Variants in STXBP3 observed in about 807,000 individuals in gnomAD.
STXBP3 encodes the protein syntaxin-binding protein 3.
STXBP3 carries 41 observed loss-of-function variants against 85.7 expected under a neutral mutation model. That is an observed-to-expected ratio of 0.48 (90% CI 0.37 to 0.62). The LOEUF is 0.62. Among genes scored for constraint, STXBP3 ranks in the 20% least tolerant of loss-of-function variants. The pLI is 0.00. For missense variants in STXBP3, 563 were observed against 703.1 expected (o/e 0.80, Z 2.25); for synonymous variants, 229 against 231.7 (o/e 0.99, Z 0.10).
intron 9 of STXBP3, chr1:108,781,236 G>T (rs1271004893): frequency 6.6e-6 from 1 of 152,180 alleles, no homozygotes; most frequent in Non-Finnish European, 1.5e-5. Context: ...ATCCACACAG[G>T]TGGATGGTTT....
rs1663110908 is a variant in STXBP3 at position 108,796,688 on chromosome 1, C to T, written c.1318C>T (p.Arg440Cys). 8.7e-6 allele frequency: 14 copies of T among 1,613,482 alleles called. No homozygotes were observed. Among genetic ancestry groups the T allele is most frequent in the Non-Finnish European group, 1.2e-5 (14 of 1,179,794 alleles). ...VKIENESDMI[R>C]NWSYLGVPIV... ...GATAGAAAATGAGAGTGACATGATT[C>T]GTAACTGGAGTTACCTTGGTGTTCC... The change falls in exon 15 of 19, where the codon CGT (arginine) becomes TGT (cysteine). Residue 440 changes from arginine (R) to cysteine (C), a missense_variant. Physicochemically the swap from Arg to Cys is radical, Grantham distance 180. This residue lies in a region of STXBP3 where 494 missense variants were observed against 592.8 expected (regional missense o/e 0.83). Coordinates refer to ENST00000370008, the MANE Select transcript of STXBP3 (RefSeq NM_007269.4).
rs1320597846 is a variant in STXBP3 at position 108,809,472 on chromosome 1, A to G, written c.*595A>G. On this transcript the variant is annotated 3_prime_UTR_variant, in exon 19 of 19. Transcript: ENST00000370008. The stretch of plus-strand genomic sequence containing the variant: ...TGAAATCATGTATGTTTAAATTAGA[A>G]AACCAAAAATCATGAACATTCTAAG... 6.6e-6 allele frequency: 1 copy of G among 152,542 alleles called. No homozygotes were observed. The highest frequency in any genetic ancestry group is 1.9e-4 in the East Asian group (1 of 5,196). 9.4% of individuals were successfully genotyped at this position (152,542 alleles called of 1,614,324 possible).
At chr1:108,804,096 C>G (rs902912846) in intron 17 of STXBP3, among the ~76,000 whole-genome samples, 2 of 152,130 alleles carry the variant, frequency 1.3e-5, no homozygotes, top group African/African-American at 4.8e-5. Context: ...TTTCCTGAAT[C>G]TGAGGATTTA....
chr1:108,746,750 G>C lies in STXBP3; in HGVS notation c.13G>C (p.Val5Leu), dbSNP rs573905738. Residue 5 changes from valine (V) to leucine (L), a missense_variant, in exon 1 of 19, where the codon GTG becomes CTG. Around this residue, in one of 3 missense-constraint regions of STXBP3, gnomAD observed 37 missense variants for 39.7 expected, o/e 0.93. Coordinates refer to ENST00000370008, the MANE Select transcript of STXBP3 (RefSeq NM_007269.4). ...CAGTGTCGGGAAGATGGCGCCGCCG[G>C]TGGCAGAGAGGGGGCTAAAGAGCGT... MAPP[V>L]AERGLKSVVW... 670 of 1,550,270 alleles carry C rather than the reference G, an allele frequency of 4.3e-4. 6 individuals carry two copies. In the South Asian group the frequency reaches 7.4e-3, roughly 17 times the overall value.
At chr1:108,803,511 CAG>C (rs1284116063) in intron 17 of STXBP3, among the ~76,000 whole-genome samples, 3 of 151,946 alleles carry the variant, frequency 2.0e-5, no homozygotes, top group Admixed American at 6.6e-5. Flanking sequence ...TTTTCCAAGA[CAG>C]AGTCTTGCTC....
intron 6 of STXBP3, among the ~76,000 whole-genome samples, chr1:108,770,052 G>A (rs1662351015): frequency 6.6e-6 from 1 of 152,138 alleles, no homozygotes; most frequent in Non-Finnish European, 1.5e-5. Context: ...GACTTTAGGA[G>A]GCCAAGGCGG....
chr1:108,748,304 C>A (rs1319193524), intron 1 of STXBP3, among the ~76,000 whole-genome samples: 2 of 152,130 alleles, frequency 1.3e-5, no homozygotes, highest in African/African-American at 4.8e-5. Flanking sequence ...GAGGCCGGGG[C>A]AAGATGATCA....
At chr1:108,758,980 AC>A (rs1273084798) in intron 5 of STXBP3, 1 of 152,498 alleles carries the variant, frequency 6.6e-6, no homozygotes, top group East Asian at 1.9e-4. Context: ...AAAAACAAAG[AC>A]CTTTTGAGAG....
chr1:108,779,580 A>G, intron 9 of STXBP3, 170 bp downstream of exon 9: 1 of 676,324 alleles, frequency 1.5e-6, no homozygotes, highest in Non-Finnish European at 2.1e-6. Context: ...GATAATGTTG[A>G]CCTTGTAAAT....
intron 18 of STXBP3, 103 bp from the exon 19 acceptor site, chr1:108,808,680 C>T: frequency 3.5e-6 from 3 of 862,324 alleles, no homozygotes; most frequent in Non-Finnish European, 5.7e-6. Flanking sequence ...TACATTACCC[C>T]AGGCTACTGC....
In STXBP3 at chr1:108,808,766, C is replaced by A; in HGVS notation, c.1685-17C>A. 4 of 1,597,050 alleles carry A rather than the reference C, an allele frequency of 2.5e-6. No individual in the cohort carries two copies. Among genetic ancestry groups the A allele is most frequent in the South Asian group, 1.1e-5 (1 of 89,626 alleles). ...TTTAACTGCTGGCCTCTGAAAAATT[C>A]TCTTTTCTCCTACCAGGTTCTACAC... On this transcript the variant is annotated splice_polypyrimidine_tract_variant and intron_variant, in intron 18 of 18. Coordinates refer to ENST00000370008, the MANE Select transcript of STXBP3 (RefSeq NM_007269.4).
rs552144355 is a variant in STXBP3, at chr1:108,803,829, C to T, written c.1535+3524C>T. Among the ~76,000 whole-genome samples the T allele has an allele frequency of 5.9e-5, 9 of 152,224 alleles. No homozygotes were observed. The East Asian group carries it at 1.5e-3, about 26-fold the overall frequency. On this transcript the variant is annotated intron_variant, in intron 17 of 18. Transcript: ENST00000370008. Reference sequence around the variant, plus strand: ...AGTTTTATCCGTTTCTTCATTTGGTCGTTGTTCTTAGCCAGCTATGAATTT... The same window carrying T: ...AGTTTTATCCGTTTCTTCATTTGGTTGTTGTTCTTAGCCAGCTATGAATTT...
chr1:108,787,548 A>G (rs912126896), intron 11 of STXBP3, among the ~76,000 whole-genome samples: 3 of 147,542 alleles, frequency 2.0e-5, no homozygotes, highest in African/African-American at 7.4e-5. Flanking sequence ...TACGTTTAAA[A>G]TTTTTTTTTT....
At chr1:108,799,621 G>T (rs1663190698) in intron 16 of STXBP3, among the ~76,000 whole-genome samples, 1 of 152,090 alleles carries the variant, frequency 6.6e-6, no homozygotes, top group African/African-American at 2.4e-5. Context: ...CCGTAAAGCA[G>T]TGGTCTCCAT....
At position 108,784,551 on chromosome 1, in the gene STXBP3, G is replaced by T. The variant is rs569786714; in HGVS notation, c.963+1845G>T. Reference sequence around the variant, plus strand: ...TATTACAGTTCAAGGTGAGATTTGGGTAGGGAAACAGAGCCAAACCGTATC... The same window carrying T: ...TATTACAGTTCAAGGTGAGATTTGGTTAGGGAAACAGAGCCAAACCGTATC... On this transcript the variant is annotated intron_variant, in intron 11 of 18. Coordinates refer to ENST00000370008, the MANE Select transcript of STXBP3 (RefSeq NM_007269.4). Among the ~76,000 whole-genome samples, 247 of 152,322 alleles carry T rather than the reference G, an allele frequency of 1.6e-3. 5 individuals carry two copies. In the South Asian group the frequency reaches 0.027, roughly 17 times the overall value.
At chr1:108,772,142 A>G (rs571005921) in intron 6 of STXBP3, among the ~76,000 whole-genome samples, 150 of 134,550 alleles carry the variant, frequency 1.1e-3, no homozygotes, top group African/African-American at 3.9e-3. Context: ...TATGATATCT[A>G]TCTATATATC....
chr1:108,791,143 AT>A (rs1226315198), intron 11 of STXBP3, among the ~76,000 whole-genome samples: 1 of 151,966 alleles, frequency 6.6e-6, no homozygotes, highest in Non-Finnish European at 1.5e-5. Flanking sequence ...AAAGTTGGCA[AT>A]TTTTTTCCTT....
chr1:108,787,723 T>C (rs1263704056), intron 11 of STXBP3, among the ~76,000 whole-genome samples: 1 of 152,122 alleles, frequency 6.6e-6, no homozygotes, highest in African/African-American at 2.4e-5. Flanking sequence ...TTTATCAGAT[T>C]AAGGATGTTC....
In STXBP3 at chr1:108,807,417, A is replaced by G; in HGVS notation, c.1552A>G (p.Arg518Gly). 1 of 1,607,520 alleles carries G rather than the reference A, an allele frequency of 6.2e-7. No individual in the cohort carries two copies. The highest frequency in any genetic ancestry group is 8.5e-7 in the Non-Finnish European group (1 of 1,178,326). Reference protein sequence around the residue: ...SGAVSARQKPRANYLEDRKNG... With the variant: ...SGAVSARQKPGANYLEDRKNG... ...ACTTTTTAGTGCTCGCCAGAAACCC[A>G]GAGCTAATTATTTAGAAGACCGAAA... The change falls in exon 18 of 19, where the codon AGA becomes GGA. Residue 518 changes from arginine (R) to glycine (G), a missense_variant. Physicochemically the swap from Arg to Gly is moderately radical, Grantham distance 125. This residue lies in a region of STXBP3 where 494 missense variants were observed against 592.8 expected (regional missense o/e 0.83). Coordinates refer to ENST00000370008, the MANE Select transcript of STXBP3 (RefSeq NM_007269.4).
Sources: allele counts gnomAD v4.1 joint callset (sites outside exome capture counted in the v4.1 genomes callset), GRCh38; gene constraint gnomAD v4.1.1; regional missense constraint gnomAD v4.1.1; transcripts MANE v1.5; gene names NCBI Gene and HGNC (gene_info 2026-07-23, HGNC 2026-07-21).